RPL38: variants seen among roughly 807,000 people sequenced by gnomAD.
RPL38 encodes ribosomal protein L38.
A neutral mutation model predicts 12.8 loss-of-function variants in RPL38; 2 were observed. The observed-to-expected ratio is 0.16, with a 90% CI of 0.06 to 0.49. The LOEUF (loss-of-function observed/expected upper bound fraction) is 0.49, where lower values mean the gene tolerates loss of function less well. Among genes scored for constraint, RPL38 ranks in the 20% least tolerant of loss-of-function variants. The pLI is 0.96. For synonymous variants in RPL38, 42 were observed against 30.1 expected (o/e 1.39, Z -1.29); for missense variants, 52 against 79.8 (o/e 0.65, Z 1.33).
intron 3 of RPL38, chr17:74,205,576 G>A (rs1021685114): frequency 1.3e-5 from 2 of 152,172 alleles, no homozygotes; most frequent in African/African-American, 4.8e-5. Context: ...GATGACTGTT[G>A]GCTAGTGTTT....
intron 3 of RPL38, among the ~76,000 whole-genome samples, chr17:74,207,700 T>G (rs1167410779): frequency 6.6e-6 from 1 of 151,554 alleles, no homozygotes; most frequent in East Asian, 2.0e-4. Context: ...GAGACGGGGT[T>G]TCTCCATGTT....
At chr17:74,205,670 C>T (rs2050106725) in intron 3 of RPL38, 1 of 152,184 alleles carries the variant, frequency 6.6e-6, no homozygotes, top group Non-Finnish European at 1.5e-5. Context: ...ACTCTACCTG[C>T]AGGTAACTTA....
At chr17:74,205,243 G>A (rs894678802) in intron 3 of RPL38, 6 of 152,206 alleles carry the variant, frequency 3.9e-5, no homozygotes, top group South Asian at 2.1e-4. Flanking sequence ...AAGGAGATTG[G>A]GGGGGCTTGT....
Position 74,207,463 on chromosome 17 carries a change from C to T in RPL38, c.65-1724C>T, listed in dbSNP as rs144427681. On this transcript the variant is annotated intron_variant, in intron 3 of 4. Transcript: ENST00000311111. ...TATTCTTCTGTGGTTGCTATCTGTT[C>T]TTTGGGGTATATACCTAGAAATGGA... is the stretch of plus-strand genomic sequence containing the variant. 9.1e-3 allele frequency among the ~76,000 whole-genome samples: 1,384 copies of T among 152,214 alleles called. 26 individuals are homozygous for T. Among genetic ancestry groups the T allele is most frequent in the African/African-American group, 0.032 (1,319 of 41,500 alleles).
chr17:74,204,456 A>G, intron 3 of RPL38: 1 of 480,936 alleles, frequency 2.1e-6, no homozygotes, highest in Admixed American at 3.6e-5. Flanking sequence ...ATAATATAGT[A>G]AATTGTCGGA....
intron 2 of RPL38, 69 bp from the exon 3 acceptor site, chr17:74,204,061 G>T: frequency 6.2e-7 from 1 of 1,610,588 alleles, no homozygotes; most frequent in Non-Finnish European, 8.5e-7. Context: ...GGGAGAAGCT[G>T]GTGGACTGGG....
At chr17:74,206,213 C>T (rs988955427) in intron 3 of RPL38, 2 of 152,046 alleles carry the variant, frequency 1.3e-5, no homozygotes, top group Non-Finnish European at 2.9e-5. Flanking sequence ...CATCTGTAAT[C>T]CCAGCACTTT....
Position 74,210,093 on chromosome 17 carries a change from C to T in RPL38, c.*264C>T. ...ACCTCCGCCTCCTGGGTTCAAGCGA[C>T]TGTCCTGCCTCAGCCTCCCGAGTGG... On this transcript the variant is annotated 3_prime_UTR_variant, in exon 5 of 5. Coordinates refer to ENST00000311111, the MANE Select transcript of RPL38 (RefSeq NM_000999.4). 8.0e-6 allele frequency: 3 copies of T among 376,486 alleles called. No homozygotes were observed. Among genetic ancestry groups the T allele is most frequent in the South Asian group, 3.9e-5 (1 of 25,780 alleles). 23.3% of individuals were successfully genotyped at this position (376,486 alleles called of 1,614,324 possible).
At chr17:74,206,347 T>C (rs1216630154) in intron 3 of RPL38, 2 of 152,134 alleles carry the variant, frequency 1.3e-5, no homozygotes, top group Non-Finnish European at 2.9e-5. Context: ...TGAGGTAGGA[T>C]TGCTTGAATC....
Position 74,203,705 on chromosome 17 carries a change from C to G in RPL38, c.-79C>G, listed in dbSNP as rs572773868. On this transcript the variant is annotated 5_prime_UTR_variant, in exon 1 of 5. Transcript: ENST00000311111. Reference sequence around the variant, plus strand: ...TTTTCGTCCTTTTCCCCGGTTGCTGCTTGCTGTGAGTGTCTCTAGGGTGAT... The same window carrying G: ...TTTTCGTCCTTTTCCCCGGTTGCTGGTTGCTGTGAGTGTCTCTAGGGTGAT... The G allele has an allele frequency of 2.0e-6, 1 of 512,434 alleles. No individual in the cohort carries two copies. The highest frequency in any genetic ancestry group is 3.5e-6 in the Non-Finnish European group (1 of 289,554). 31.7% of individuals were successfully genotyped at this position (512,434 alleles called of 1,614,324 possible).
chr17:74,205,991 G>A (rs1385486821), intron 3 of RPL38: 1 of 152,182 alleles, frequency 6.6e-6, no homozygotes, highest in Non-Finnish European at 1.5e-5. Flanking sequence ...CTGCACTCCA[G>A]CCTGGGTGAC....
At chr17:74,203,873 T>C in intron 1 of RPL38, 45 bp from the exon 2 acceptor site, 2 of 1,494,838 alleles carry the variant, frequency 1.3e-6, no homozygotes, top group Non-Finnish European at 9.0e-7. Context: ...CGGGGTTCGC[T>C]GCCAGCCCCC....
chr17:74,204,800 C>T (rs1306555343), intron 3 of RPL38: 1 of 152,146 alleles, frequency 6.6e-6, no homozygotes, highest in Non-Finnish European at 1.5e-5. Flanking sequence ...CTCCCAGGTT[C>T]AAGCGATCCC....
chr17:74,205,148 G>C (rs936080566), intron 3 of RPL38: 4 of 152,246 alleles, frequency 2.6e-5, no homozygotes, highest in Non-Finnish European at 5.9e-5. Flanking sequence ...GTTTTCGATG[G>C]ATAGGTGCCA....
intron 3 of RPL38, chr17:74,205,499 AC>A (rs1359567830): frequency 6.6e-6 from 1 of 152,184 alleles, no homozygotes; most frequent in Non-Finnish European, 1.5e-5. Flanking sequence ...TGTCCCCATT[AC>A]CCAAAACAGG....
At chr17:74,208,711 G>A (rs542600763) in intron 3 of RPL38, among the ~76,000 whole-genome samples, 43 of 152,276 alleles carry the variant, frequency 2.8e-4, no homozygotes, top group Admixed American at 1.9e-3. Context: ...CGAGGCCAGC[G>A]GATCACGAGG....
At chr17:74,207,767 A>G (rs986045490) in intron 3 of RPL38, among the ~76,000 whole-genome samples, 5 of 152,142 alleles carry the variant, frequency 3.3e-5, no homozygotes, top group African/African-American at 1.2e-4. Flanking sequence ...CAGCCTCCCA[A>G]AGTGCTGGGA....
At chr17:74,204,839 C>G (rs1567803310) in intron 3 of RPL38, 1 of 152,246 alleles carries the variant, frequency 6.6e-6, no homozygotes, top group African/African-American at 2.4e-5. Flanking sequence ...GGCGCGCCAC[C>G]ATGCCTAGCT....
At position 74,210,113 on chromosome 17, in the gene RPL38, G is replaced by A. The variant is rs139039378; in HGVS notation, c.*284G>A. 8,310 of 329,150 alleles carry A rather than the reference G, an allele frequency of 0.025. 132 individuals carry two copies. Among genetic ancestry groups the A allele is most frequent in the Non-Finnish European group, 0.032 (5,680 of 179,598 alleles). 20.4% of individuals were successfully genotyped at this position (329,150 alleles called of 1,614,324 possible). On this transcript the variant is annotated 3_prime_UTR_variant, in exon 5 of 5. Coordinates refer to ENST00000311111, the MANE Select transcript of RPL38 (RefSeq NM_000999.4). ...AGCGACTGTCCTGCCTCAGCCTCCCGAGTGGCTGGGATTACAGGCACACAT... is the reference window on the plus strand; with the variant it reads ...AGCGACTGTCCTGCCTCAGCCTCCCAAGTGGCTGGGATTACAGGCACACAT...
Sources: allele counts gnomAD v4.1 joint callset (sites outside exome capture counted in the v4.1 genomes callset), GRCh38; gene constraint gnomAD v4.1.1; transcripts MANE v1.5; gene names NCBI Gene and HGNC (gene_info 2026-07-23, HGNC 2026-07-21).